Variants in PDE12 observed in about 807,000 individuals in gnomAD.
The protein encoded by PDE12 is 2',5'-phosphodiesterase 12.
A neutral mutation model predicts 45.4 loss-of-function variants in PDE12; 26 were observed. The observed-to-expected ratio is 0.57, with a 90% CI of 0.42 to 0.79. The LOEUF is 0.79. Ranked by LOEUF, PDE12 falls within the 30% of genes least tolerant of loss-of-function variation. The pLI is 0.00. For missense variants in PDE12, 668 were observed against 790.0 expected (o/e 0.85, Z 1.85); for synonymous variants, 283 against 323.9 (o/e 0.87, Z 1.36).
chr3:57,596,166 C>A, the PDE12 span, among the ~76,000 whole-genome samples: 132 of 152,024 alleles, frequency 8.7e-4, no homozygotes, highest in African/African-American at 3.0e-3. Flanking sequence ...CAAAAACACG[C>A]CCCCTAAAAA....
the PDE12 span, chr3:57,646,563 G>T: frequency 7.7e-7 from 1 of 1,300,528 alleles, no homozygotes; most frequent in Non-Finnish European, 1.0e-6. Flanking sequence ...ATCCTGATCT[G>T]ATACACAAAT....
At chr3:57,576,504 CTTTT>C in the PDE12 span, among the ~76,000 whole-genome samples, 7 of 101,612 alleles carry the variant, frequency 6.9e-5, no homozygotes, top group South Asian at 3.3e-4. Context: ...CTCAACCAAG[CTTTT>C]TTTTTTTTTT....
chr3:57,630,547 G>T, the PDE12 span: 26 of 1,575,150 alleles, frequency 1.7e-5, no homozygotes, highest in Non-Finnish European at 2.2e-5. Flanking sequence ...TTTTAAAAAA[G>T]TAAAGTTTGA....
At chr3:57,572,345 T>C in the PDE12 span, 13 of 1,360,290 alleles carry the variant, frequency 9.6e-6, no homozygotes, top group Non-Finnish European at 1.4e-5. Flanking sequence ...AGTTAATATA[T>C]AACACCAGTG....
chr3:57,623,435 T>A, the PDE12 span, among the ~76,000 whole-genome samples: 1 of 152,172 alleles, frequency 6.6e-6, no homozygotes, highest in African/African-American at 2.4e-5. Flanking sequence ...TCCCAGCACT[T>A]TGGGAGGCTG....
At chr3:57,570,261 G>T (rs182203489), downstream of PDE12, among the ~76,000 whole-genome samples, 126 of 122,990 alleles carry the variant, frequency 1.0e-3, no homozygotes, top group African/African-American at 3.9e-3. Context: ...CTTGCAGACC[G>T]TGTGCAGTGG....
At chr3:57,591,761 G>A in the PDE12 span, among the ~76,000 whole-genome samples, 7 of 152,112 alleles carry the variant, frequency 4.6e-5, no homozygotes, top group African/African-American at 1.4e-4. Flanking sequence ...CACCGCGCCC[G>A]GCCATTATGA....
downstream of PDE12, among the ~76,000 whole-genome samples, chr3:57,571,059 T>C (rs1304460269): frequency 6.6e-6 from 1 of 151,882 alleles, no homozygotes; most frequent in African/African-American, 2.4e-5. Context: ...CCAAAGCTGA[T>C]CTCAAACTCC....
the PDE12 span, among the ~76,000 whole-genome samples, chr3:57,613,294 C>A: frequency 1.1e-3 from 148 of 132,426 alleles, no homozygotes; most frequent in African/African-American, 3.8e-3. Context: ...AAAAAAAAAA[C>A]AACTTTTTTT....
At chr3:57,622,529 T>G in the PDE12 span, among the ~76,000 whole-genome samples, 1 of 152,150 alleles carries the variant, frequency 6.6e-6, no homozygotes, top group Non-Finnish European at 1.5e-5. Flanking sequence ...TCTTAAAAAG[T>G]TAAACATTCA....
chr3:57,597,283 GGCCCC>G, the PDE12 span: 1 of 766,478 alleles, frequency 1.3e-6, no homozygotes. Flanking sequence ...ACGTCTCAGT[GGCCCC>G]TGTGCCGATG....
chr3:57,573,966 G>C, the PDE12 span, among the ~76,000 whole-genome samples: 2 of 148,732 alleles, frequency 1.3e-5, no homozygotes. Flanking sequence ...TTTTGAGACG[G>C]AGTCTCGCTC....
Position 57,556,740 on chromosome 3 carries a change from C to G in PDE12, c.361C>G (p.Pro121Ala). Reference sequence around the variant, plus strand: ...GCCTGAGCCGGCTGTGTTCTGCGAGCCCGTGGTGAAGCTGTACTACCGGGA... The same window carrying G: ...GCCTGAGCCGGCTGTGTTCTGCGAGGCCGTGGTGAAGCTGTACTACCGGGA... ...PGPEPAVFCE[P>A]VVKLYYREEA... is the part of the protein sequence containing the mutation. Residue 121 changes from proline to alanine, a missense_variant, in exon 1 of 3, where the codon CCC becomes GCC. By Grantham distance (27) the Pro-to-Ala change is conservative. Transcript: ENST00000311180. This position sits in a 1 kb window ranked among gnomAD's most constrained non-coding sequence, Gnocchi z 5.0. 6.3e-7 allele frequency: 1 copy of G among 1,597,634 alleles called. No homozygotes were observed. Among genetic ancestry groups the G allele is most frequent in the Non-Finnish European group, 8.6e-7 (1 of 1,168,380 alleles).
At chr3:57,620,902 A>C in the PDE12 span, among the ~76,000 whole-genome samples, 1 of 152,188 alleles carries the variant, frequency 6.6e-6, no homozygotes, top group African/African-American at 2.4e-5. Flanking sequence ...TTCTCCCTCA[A>C]ATTTATCTAT....
chr3:57,639,498 T>C, the PDE12 span, among the ~76,000 whole-genome samples: 1 of 152,318 alleles, frequency 6.6e-6, no homozygotes, highest in Middle Eastern at 3.4e-3. Context: ...ATAGTCTAAA[T>C]TAGTAGGCCC....
chr3:57,635,200 G>GGTTTT, the PDE12 span, among the ~76,000 whole-genome samples: 27,378 of 151,410 alleles, frequency 0.18, 2,775 homozygotes, highest in African/African-American at 0.28. Flanking sequence ...GGGTTTGTGG[G>GGTTTT]GTTTTGTTTT....
chr3:57,557,105 C>T lies in PDE12; in HGVS notation c.726C>T (p.Ile242=), dbSNP rs2069671693. Residue 242 remains isoleucine (I), a synonymous_variant, in exon 1 of 3, where the codon ATC becomes ATT. Coordinates refer to ENST00000311180, the MANE Select transcript of PDE12 (RefSeq NM_177966.7). ...ERVYTPSNAD[I]GLRLKLHCTP... The stretch of plus-strand genomic sequence containing the variant: ...TCTACACCCCGTCCAATGCCGACAT[C>T]GGGCTAAGGCTCAAGCTTCACTGCA... 1 of 1,613,934 alleles carries T rather than the reference C, an allele frequency of 6.2e-7. No homozygotes were observed. The highest frequency in any genetic ancestry group is 1.7e-5 in the Admixed American group (1 of 59,988).
chr3:57,613,771 G>C, the PDE12 span, among the ~76,000 whole-genome samples: 1 of 151,740 alleles, frequency 6.6e-6, no homozygotes, highest in Non-Finnish European at 1.5e-5. Context: ...CATGGTGGCA[G>C]GCACCTGTAG....
At chr3:57,580,181 T>C in the PDE12 span, among the ~76,000 whole-genome samples, 1 of 152,142 alleles carries the variant, frequency 6.6e-6, no homozygotes. Context: ...TCAAATCTTA[T>C]ACTACTTGTT....
Sources: allele counts gnomAD v4.1 joint callset (sites outside exome capture counted in the v4.1 genomes callset), GRCh38; gene constraint gnomAD v4.1.1; non-coding constraint Gnocchi (gnomAD v3.1); transcripts MANE v1.5; gene names NCBI Gene and HGNC (gene_info 2026-07-23, HGNC 2026-07-21).